Variants in PDE3B observed in about 807,000 individuals in gnomAD.
PDE3B encodes the protein phosphodiesterase 3B.
In PDE3B, 66 loss-of-function variants were observed where a neutral mutation model predicts 116.8. That is an observed-to-expected ratio of 0.56 (90% CI 0.46 to 0.69). The LOEUF (loss-of-function observed/expected upper bound fraction) is 0.69. Ranked by LOEUF, PDE3B falls within the 30% of genes least tolerant of loss-of-function variation. The pLI is 0.00. For synonymous variants in PDE3B, 595 were observed against 533.6 expected (o/e 1.12, Z -1.59); for missense variants, 1,384 against 1,368.1 (o/e 1.01, Z -0.18).
chr11:14,727,293 C>G (rs1856336108), intron 1 of PDE3B, among the ~76,000 whole-genome samples: 2 of 152,002 alleles, frequency 1.3e-5, no homozygotes, highest in Admixed American at 1.3e-4. Flanking sequence ...TATGTGGGGT[C>G]TTTTGAAGAA....
At chr11:14,776,544 T>C (rs562989595) in intron 2 of PDE3B, 2 of 152,298 alleles carry the variant, frequency 1.3e-5, no homozygotes, top group African/African-American at 4.8e-5. Flanking sequence ...AGATGACGAG[T>C]TAGTGGGTGC....
chr11:14,789,099 T>TC lies in PDE3B; in HGVS notation c.1279-6dup. Reference sequence around the variant, plus strand: ...ACATTTTAAACCATTGTTAAATTATTCAACAGGGACTAAATAGGAATAGTT... The same window carrying TC: ...ACATTTTAAACCATTGTTAAATTATTCCAACAGGGACTAAATAGGAATAGTT... On this transcript the variant is annotated splice_region_variant and splice_polypyrimidine_tract_variant and intron_variant, in intron 3 of 15. Coordinates refer to ENST00000282096, the MANE Select transcript of PDE3B (RefSeq NM_000922.4). 1 of 1,596,262 alleles carries TC rather than the reference T, an allele frequency of 6.3e-7. No homozygotes were observed. The highest frequency in any genetic ancestry group is 1.1e-5 in the South Asian group (1 of 88,086).
intron 2 of PDE3B, among the ~76,000 whole-genome samples, chr11:14,780,893 G>T (rs906171365): frequency 1.3e-5 from 2 of 152,096 alleles, no homozygotes; most frequent in African/African-American, 4.8e-5. Flanking sequence ...TTTCTGAGAA[G>T]ATCAACAAAA....
chr11:14,766,297 T>G (rs931006510), intron 1 of PDE3B, among the ~76,000 whole-genome samples: 2 of 151,530 alleles, frequency 1.3e-5, no homozygotes, highest in African/African-American at 2.4e-5. Context: ...AAATTATAAT[T>G]TATGAGGACA....
chr11:14,800,404 G>A (rs1858715449), intron 4 of PDE3B, among the ~76,000 whole-genome samples: 2 of 152,096 alleles, frequency 1.3e-5, no homozygotes, highest in South Asian at 4.1e-4. Flanking sequence ...GGCGGAGGTG[G>A]CAGTGAGCTG....
At chr11:14,743,957 C>G (rs1856839401) in intron 1 of PDE3B, among the ~76,000 whole-genome samples, 1 of 152,216 alleles carries the variant, frequency 6.6e-6, no homozygotes, top group Non-Finnish European at 1.5e-5. Context: ...AATCACTCAC[C>G]TTCTGCATTG....
At chr11:14,899,051 C>G in the PDE3B span, among the ~76,000 whole-genome samples, 10 of 152,150 alleles carry the variant, frequency 6.6e-5, no homozygotes, top group African/African-American at 2.4e-4. Context: ...TGTCAGAGGG[C>G]CCAAAACTCC....
chr11:14,772,310 AC>A (rs1419099690), intron 2 of PDE3B: 12 of 161,480 alleles, frequency 7.4e-5, no homozygotes, highest in African/African-American at 2.9e-4. Flanking sequence ...TCTGATGTGG[AC>A]CACTGTTCTA....
intron 12 of PDE3B, among the ~76,000 whole-genome samples, chr11:14,851,671 A>T (rs908206545): frequency 1.2e-4 from 19 of 152,076 alleles, no homozygotes; most frequent in East Asian, 3.9e-4. Flanking sequence ...TTATTTTTTT[A>T]AAAAAGTACC....
chr11:14,728,758 T>C (rs1856381533), intron 1 of PDE3B, among the ~76,000 whole-genome samples: 1 of 152,134 alleles, frequency 6.6e-6, no homozygotes, highest in Non-Finnish European at 1.5e-5. Flanking sequence ...AATTATGATA[T>C]TTAAATTTTT....
intron 1 of PDE3B, among the ~76,000 whole-genome samples, chr11:14,688,160 CCTCT>C (rs10676187): frequency 3.2e-5 from 4 of 125,894 alleles, no homozygotes; most frequent in Non-Finnish European, 6.7e-5. Flanking sequence ...TCCCTCCATC[CCTCT>C]CTCTCTCTCT....
intron 1 of PDE3B, among the ~76,000 whole-genome samples, chr11:14,660,586 G>C (rs972902625): frequency 6.6e-6 from 1 of 152,052 alleles, no homozygotes; most frequent in South Asian, 2.1e-4. Flanking sequence ...TTGCAGGCAT[G>C]AGCCACTATT....
intron 1 of PDE3B, among the ~76,000 whole-genome samples, chr11:14,688,956 A>G (rs1854969801): frequency 6.6e-6 from 1 of 152,126 alleles, no homozygotes; most frequent in African/African-American, 2.4e-5. Context: ...TATTTTTAGT[A>G]GAGGTGAAGT....
At chr11:14,848,886 A>G (rs1159568774) in intron 12 of PDE3B, among the ~76,000 whole-genome samples, 1 of 152,248 alleles carries the variant, frequency 6.6e-6, no homozygotes, top group Non-Finnish European at 1.5e-5. Flanking sequence ...GGTAGGAAGA[A>G]TCAGTATGAA....
chr11:14,714,190 G>A (rs1855798546), intron 1 of PDE3B, among the ~76,000 whole-genome samples: 2 of 151,994 alleles, frequency 1.3e-5, no homozygotes, highest in South Asian at 4.1e-4. Flanking sequence ...CCAGTCCAGG[G>A]GAGGGGAGGG....
intron 7 of PDE3B, among the ~76,000 whole-genome samples, chr11:14,827,231 TG>T (rs2133958621): frequency 6.6e-6 from 1 of 152,280 alleles, no homozygotes; most frequent in East Asian, 1.9e-4. Context: ...GGGCAAAAGC[TG>T]GAAGCATTCC....
intron 12 of PDE3B, among the ~76,000 whole-genome samples, chr11:14,845,012 C>A (rs1847564745): frequency 6.6e-6 from 1 of 152,222 alleles, no homozygotes; most frequent in Admixed American, 6.5e-5. Flanking sequence ...AGCTGGAGAT[C>A]TGAGAACGGG....
chr11:14,883,853 A>G, the PDE3B span, among the ~76,000 whole-genome samples: 1 of 152,276 alleles, frequency 6.6e-6, no homozygotes, highest in South Asian at 2.1e-4. Flanking sequence ...AAACAACCCC[A>G]TCAACAAGTG....
At chr11:14,807,967 C>T (rs952658961) in intron 5 of PDE3B, among the ~76,000 whole-genome samples, 2 of 150,524 alleles carry the variant, frequency 1.3e-5, no homozygotes, top group Non-Finnish European at 1.5e-5. Flanking sequence ...GGTTGAGGCA[C>T]GAGAATCGCT....
Sources: gnomAD v4.1 joint callset for allele counts (sites outside exome capture counted in the v4.1 genomes callset) on GRCh38, gnomAD v4.1.1 for gene constraint, MANE v1.5 for transcripts, NCBI Gene and HGNC (gene_info 2026-07-23, HGNC 2026-07-21) for gene names.